CAST: variants seen among roughly 807,000 people sequenced by gnomAD.
The protein encoded by CAST is calpastatin.
A neutral mutation model predicts 119.6 loss-of-function variants in CAST; 76 were observed. That is an observed-to-expected ratio of 0.64 (90% CI 0.53 to 0.77). CAST has a LOEUF of 0.77. Ranked by LOEUF, CAST falls within the 30% of genes least tolerant of loss-of-function variation. The pLI is 0.00. For missense variants in CAST, 953 were observed against 946.5 expected, an observed-to-expected ratio of 1.01 and a Z score of -0.09; for synonymous variants, 319 against 331.6, an observed-to-expected ratio of 0.96 and a Z score of 0.41.
chr5:96,598,516 TTCTC>T (rs1159930243), intron 1 of CAST, among the ~76,000 whole-genome samples: 1 of 152,152 alleles, frequency 6.6e-6, no homozygotes, highest in East Asian at 1.9e-4. Flanking sequence ...CTTCTCTTAT[TTCTC>T]TCTGTGGCCT....
At chr5:96,181,427 G>A in the CAST span, among the ~76,000 whole-genome samples, 1 of 152,128 alleles carries the variant, frequency 6.6e-6, no homozygotes, top group African/African-American at 2.4e-5. Flanking sequence ...CACTTTCTGA[G>A]TTAGACTTGG....
intron 29 of CAST, chr5:96,768,531 ATTATAC>A (rs1770905457): frequency 2.7e-6 from 1 of 373,790 alleles, no homozygotes; most frequent in Admixed American, 3.7e-5. Context: ...ATTTTACATA[ATTATAC>A]TTACAGTCCA....
the CAST span, among the ~76,000 whole-genome samples, chr5:96,501,737 C>G: frequency 0.012 from 1,895 of 152,296 alleles, 43 homozygotes; most frequent in African/African-American, 0.044. Context: ...TGTTAAAACA[C>G]TTCTTTTGGT....
chr5:96,392,916 G>T, the CAST span: 2 of 1,364,796 alleles, frequency 1.5e-6, no homozygotes, highest in South Asian at 1.2e-5. Context: ...AAGAATTCAT[G>T]ACAAAACAAC....
chr5:96,754,220 C>G, intron 21 of CAST, 59 bp downstream of exon 21: 1 of 1,010,708 alleles, frequency 9.9e-7, no homozygotes, highest in Non-Finnish European at 1.6e-6. Flanking sequence ...TCTCCCCCTG[C>G]AAATAAGTTA....
At chr5:96,304,366 C>G in the CAST span, among the ~76,000 whole-genome samples, 1 of 152,076 alleles carries the variant, frequency 6.6e-6, no homozygotes, top group Non-Finnish European at 1.5e-5. Context: ...GTCAGATGGA[C>G]AGATTACAAA....
At chr5:96,368,512 A>AC in the CAST span, among the ~76,000 whole-genome samples, 1 of 151,690 alleles carries the variant, frequency 6.6e-6, no homozygotes, top group Non-Finnish European at 1.5e-5. Context: ...AAAAAAAAAA[A>AC]AAACAAAAAA....
chr5:96,222,093 C>T, the CAST span, among the ~76,000 whole-genome samples: 2 of 152,034 alleles, frequency 1.3e-5, no homozygotes, highest in Admixed American at 1.3e-4. Context: ...TCTCTCCCCA[C>T]ATACAAGAAT....
the CAST span, among the ~76,000 whole-genome samples, chr5:96,183,012 G>C: frequency 6.6e-6 from 1 of 151,924 alleles, no homozygotes; most frequent in African/African-American, 2.4e-5. Flanking sequence ...GGTGGCAGGC[G>C]CCTGTAGTCC....
chr5:96,042,015 G>A, the CAST span, among the ~76,000 whole-genome samples: 90 of 152,224 alleles, frequency 5.9e-4, 1 homozygote, highest in Non-Finnish European at 9.7e-4. Flanking sequence ...AGTAATTTTC[G>A]GTCTGCTGGA....
chr5:96,348,012 T>C, the CAST span, among the ~76,000 whole-genome samples: 1 of 152,150 alleles, frequency 6.6e-6, no homozygotes, highest in African/African-American at 2.4e-5. Context: ...GAAATCGAGT[T>C]TCAAAAGATG....
chr5:96,196,374 A>G, the CAST span, among the ~76,000 whole-genome samples: 1 of 152,204 alleles, frequency 6.6e-6, no homozygotes, highest in Admixed American at 6.5e-5. Flanking sequence ...TTCAACAGAT[A>G]CCTAATGGGA....
chr5:96,018,140 A>G, the CAST span, among the ~76,000 whole-genome samples: 1 of 152,240 alleles, frequency 6.6e-6, no homozygotes, highest in Non-Finnish European at 1.5e-5. Flanking sequence ...CATTGACGTC[A>G]TGCAGAAGAT....
rs554689946 is a variant in CAST at position 96,758,359 on chromosome 5, G to C, written c.1833+705G>C. The stretch of plus-strand genomic sequence containing the variant: ...TTACTCGAAAAGTTTGGACAATATT[G>C]GGTAATGTTAAGCAGGTTTCTCTAC... On this transcript the variant is annotated intron_variant, in intron 24 of 31. Coordinates refer to ENST00000675179, the MANE Select transcript of CAST (RefSeq NM_001750.7). Among the ~76,000 whole-genome samples the C allele has an allele frequency of 2.0e-5, 3 of 152,230 alleles. No homozygotes were observed. The East Asian group carries it at 5.8e-4, about 29-fold the overall frequency.
the CAST span, among the ~76,000 whole-genome samples, chr5:96,120,841 T>C: frequency 2.0e-5 from 3 of 151,636 alleles, no homozygotes; most frequent in Non-Finnish European, 4.4e-5. Flanking sequence ...CCAGGCATAA[T>C]CCTGCCCTAA....
At chr5:96,586,065 C>T (rs1746854597) in intron 1 of CAST, among the ~76,000 whole-genome samples, 1 of 152,152 alleles carries the variant, frequency 6.6e-6, no homozygotes, top group Non-Finnish European at 1.5e-5. Context: ...TATATTGTCT[C>T]ATTTATTTTT....
chr5:96,622,228 A>G (rs1325730051), intron 1 of CAST, among the ~76,000 whole-genome samples: 2 of 152,076 alleles, frequency 1.3e-5, no homozygotes, highest in Non-Finnish European at 2.9e-5. Flanking sequence ...TCGGCCTCCC[A>G]AAGTGCTGGT....
chr5:95,979,887 A>G, the CAST span, among the ~76,000 whole-genome samples: 2 of 152,018 alleles, frequency 1.3e-5, no homozygotes, highest in Non-Finnish European at 2.9e-5. Flanking sequence ...GGATGCTGAG[A>G]TGGGTGGATC....
the CAST span, among the ~76,000 whole-genome samples, chr5:96,442,345 T>C: frequency 2.0e-5 from 3 of 152,222 alleles, no homozygotes; most frequent in African/African-American, 7.2e-5. Context: ...TAGCCCATAG[T>C]AAGTACTCAA....
Sources: gnomAD v4.1 joint callset for allele counts (sites outside exome capture counted in the v4.1 genomes callset) on GRCh38, gnomAD v4.1.1 for gene constraint, MANE v1.5 for transcripts, NCBI Gene and HGNC (gene_info 2026-07-23, HGNC 2026-07-21) for gene names.